Variants in ATG5 observed in about 807,000 individuals in gnomAD.
ATG5 encodes autophagy related 5, also known as autophagy protein 5.
A neutral mutation model predicts 36.5 loss-of-function variants in ATG5; 14 were observed. The ratio of observed to expected loss-of-function variants is 0.38; its 90% CI spans 0.25 to 0.60. The LOEUF (loss-of-function observed/expected upper bound fraction) is 0.60, where lower values mean the gene tolerates loss of function less well. Ranked by LOEUF, ATG5 falls within the 20% of genes least tolerant of loss-of-function variation. The probability of loss-of-function intolerance (pLI) is 0.60; values close to 1 mark genes in which losing one functional copy is unlikely to be tolerated. For synonymous variants in ATG5, 95 were observed against 101.5 expected (o/e 0.94, Z 0.38); for missense variants, 195 against 326.7 (o/e 0.60, Z 3.11).
chr6:106,186,790 C>T, intron 7 of ATG5, 114 bp from the exon 8 acceptor site: 1 of 1,238,044 alleles, frequency 8.1e-7, no homozygotes, highest in East Asian at 2.5e-5. Context: ...CATGTTTTGT[C>T]CCCTGAACAG....
At chr6:106,208,704 G>C (rs1197587800) in intron 6 of ATG5, among the ~76,000 whole-genome samples, 1 of 152,136 alleles carries the variant, frequency 6.6e-6, no homozygotes, top group Non-Finnish European at 1.5e-5. Context: ...CTTTTGTTCT[G>C]CAAAAGATCC....
chr6:106,224,941 C>T (rs1777395751), intron 6 of ATG5, among the ~76,000 whole-genome samples: 1 of 152,088 alleles, frequency 6.6e-6, no homozygotes, highest in Non-Finnish European at 1.5e-5. Flanking sequence ...AAAAAGTGAG[C>T]TATTCACCAG....
chr6:106,304,658 C>T (rs1770363174), intron 3 of ATG5, among the ~76,000 whole-genome samples: 1 of 152,118 alleles, frequency 6.6e-6, no homozygotes, highest in South Asian at 2.1e-4. Context: ...TCAGTAATTA[C>T]TGTGAGTTGG....
At chr6:106,315,027 T>C (rs143092817) in intron 2 of ATG5, among the ~76,000 whole-genome samples, 162 of 152,310 alleles carry the variant, frequency 1.1e-3, no homozygotes, top group African/African-American at 3.8e-3. Flanking sequence ...CACCGAGTAG[T>C]ACCACTTGAG....
chr6:106,292,966 T>TACTCGAA, intron 4 of ATG5, 62 bp downstream of exon 4: 1 of 1,344,372 alleles, frequency 7.4e-7, no homozygotes, highest in Non-Finnish European at 1.0e-6. Flanking sequence ...AAGAAAATTC[T>TACTCGAA]ACTCGAAGTC....
chr6:106,273,507 T>A (rs1349866787), intron 5 of ATG5, among the ~76,000 whole-genome samples: 1 of 152,174 alleles, frequency 6.6e-6, no homozygotes, highest in Non-Finnish European at 1.5e-5. Context: ...ATCCTTGAAT[T>A]TGAGTCTTAT....
intron 5 of ATG5, among the ~76,000 whole-genome samples, chr6:106,253,669 T>C (rs969034184): frequency 6.6e-6 from 1 of 152,178 alleles, no homozygotes; most frequent in African/African-American, 2.4e-5. Context: ...CACTGTCCTA[T>C]GTTTATCCCC....
At chr6:106,222,547 G>A (rs1777289804) in intron 6 of ATG5, among the ~76,000 whole-genome samples, 1 of 152,194 alleles carries the variant, frequency 6.6e-6, no homozygotes, top group Non-Finnish European at 1.5e-5. Flanking sequence ...AGGGCAGTAA[G>A]CAACCGAAAA....
In ATG5 at chr6:106,191,544, A is replaced by C. The variant is rs116807538; in HGVS notation, c.692-4868T>G. Reference sequence around the variant, plus strand: ...TTTTGAATTCTCAAGCAATTCACTCAAACTTCTGTTTCCTCATCTTACAGT... The same window carrying C: ...TTTTGAATTCTCAAGCAATTCACTCCAACTTCTGTTTCCTCATCTTACAGT... On this transcript the variant is annotated intron_variant, in intron 7 of 7. Coordinates refer to ENST00000369076, the MANE Select transcript of ATG5 (RefSeq NM_004849.4). 2.9e-3 allele frequency among the ~76,000 whole-genome samples: 444 copies of C among 152,272 alleles called. 2 individuals carry two copies. Among genetic ancestry groups the C allele is most frequent in the African/African-American group, 1.0e-2 (415 of 41,544 alleles).
chr6:106,299,931 G>C (rs1159931017), intron 3 of ATG5, among the ~76,000 whole-genome samples: 2 of 152,194 alleles, frequency 1.3e-5, no homozygotes, highest in Non-Finnish European at 2.9e-5. Flanking sequence ...CATTGTAACT[G>C]CAAGCATGTA....
rs555002805 is a variant in ATG5 at position 106,272,105 on chromosome 6, T to C, written c.478+7556A>G. On this transcript the variant is annotated intron_variant, in intron 5 of 7. Coordinates refer to ENST00000369076, the MANE Select transcript of ATG5 (RefSeq NM_004849.4). ...TCATCTTCCTTTGCTTTTTCTCTCA[T>C]GGCACTCATCATCATAGGACACATA... 2.0e-5 allele frequency among the ~76,000 whole-genome samples: 3 copies of C among 152,330 alleles called. No individual in the cohort carries two copies. The South Asian group carries it at 6.2e-4, about 32-fold the overall frequency.
At chr6:106,255,267 T>C (rs1778757134) in intron 5 of ATG5, among the ~76,000 whole-genome samples, 1 of 152,164 alleles carries the variant, frequency 6.6e-6, no homozygotes, top group African/African-American at 2.4e-5. Flanking sequence ...CTAACATGTC[T>C]TAATATAGTA....
chr6:106,276,445 C>T (rs1779655167), intron 5 of ATG5, among the ~76,000 whole-genome samples: 1 of 137,266 alleles, frequency 7.3e-6, no homozygotes. Flanking sequence ...GCCTGGGCGA[C>T]AGAGCGAGAC....
At chr6:106,233,248 C>T (rs1351721895) in intron 6 of ATG5, among the ~76,000 whole-genome samples, 1 of 152,196 alleles carries the variant, frequency 6.6e-6, no homozygotes, top group African/African-American at 2.4e-5. Context: ...ATCCTCATCC[C>T]AAAACCCTAA....
chr6:106,276,759 CTT>C, intron 5 of ATG5, among the ~76,000 whole-genome samples: 1 of 152,306 alleles, frequency 6.6e-6, no homozygotes, highest in South Asian at 2.1e-4. Flanking sequence ...ATCCTTCTCT[CTT>C]TACACGATCC....
In ATG5 at chr6:106,187,768, T is replaced by C. The variant is rs1054057417; in HGVS notation, c.692-1092A>G. Among the ~76,000 whole-genome samples the C allele has an allele frequency of 2.0e-5, 3 of 152,190 alleles. No individual in the cohort carries two copies. The East Asian group carries it at 5.8e-4, about 29-fold the overall frequency. On this transcript the variant is annotated intron_variant, in intron 7 of 7. Coordinates refer to ENST00000369076, the MANE Select transcript of ATG5 (RefSeq NM_004849.4). ...GCTGATGATGTATGGTGATAATGAC[T>C]TGGCTGGCACCTGAAACAAGAGACC...
At chr6:106,308,179 T>C (rs182847425) in intron 3 of ATG5, among the ~76,000 whole-genome samples, 185 bp downstream of exon 3, 1 of 152,182 alleles carries the variant, frequency 6.6e-6, no homozygotes, top group Non-Finnish European at 1.5e-5. Flanking sequence ...CATCCATGCA[T>C]CCAAACAGAA....
intron 1 of ATG5, among the ~76,000 whole-genome samples, chr6:106,318,782 T>C (rs1342365478): frequency 1.3e-5 from 2 of 152,212 alleles, no homozygotes; most frequent in African/African-American, 4.8e-5. Context: ...CCCAAATTTA[T>C]AGGATCTTAA....
At chr6:106,309,174 A>T (rs1243652837) in intron 2 of ATG5, among the ~76,000 whole-genome samples, 1 of 152,124 alleles carries the variant, frequency 6.6e-6, no homozygotes, top group Non-Finnish European at 1.5e-5. Flanking sequence ...TGCTTTCCTA[A>T]GTGTCTGATT....
Sources: allele counts gnomAD v4.1 joint callset (sites outside exome capture counted in the v4.1 genomes callset), GRCh38; gene constraint gnomAD v4.1.1; transcripts MANE v1.5; gene names NCBI Gene and HGNC (gene_info 2026-07-23, HGNC 2026-07-21).